Variants in ST7 observed in about 807,000 individuals in gnomAD.
ST7 encodes the protein suppressor of tumorigenicity 7 protein.
In ST7, 28 loss-of-function variants were observed where a neutral mutation model predicts 78.7. That is an observed-to-expected ratio of 0.36 (90% CI 0.26 to 0.49). The LOEUF is 0.49. Ranked by LOEUF, ST7 falls within the 20% of genes least tolerant of loss-of-function variation. The pLI is 0.99. For synonymous variants in ST7, 247 were observed against 249.6 expected, an observed-to-expected ratio of 0.99 and a Z score of 0.10; for missense variants, 418 against 696.0, an observed-to-expected ratio of 0.60 and a Z score of 4.49.
chr7:117,225,290 G>T (rs1324019163), intron 15 of ST7, among the ~76,000 whole-genome samples: 1 of 152,172 alleles, frequency 6.6e-6, no homozygotes, highest in East Asian at 1.9e-4. Context: ...GAATAAAATA[G>T]AAATCTGCCT....
At chr7:117,153,937 A>G (rs1403548026) in intron 9 of ST7, among the ~76,000 whole-genome samples, 1 of 152,208 alleles carries the variant, frequency 6.6e-6, no homozygotes, top group Non-Finnish European at 1.5e-5. Context: ...GGATGGGAAA[A>G]TACTGAAAAG....
chr7:117,124,146 TAG>T (rs1803630350), intron 3 of ST7, among the ~76,000 whole-genome samples: 1 of 152,052 alleles, frequency 6.6e-6, no homozygotes, highest in African/African-American at 2.4e-5. Flanking sequence ...GAAATTTAGG[TAG>T]AGTAAAAAAA....
intron 2 of ST7, among the ~76,000 whole-genome samples, chr7:117,101,254 C>T (rs562479354): frequency 6.2e-4 from 94 of 152,230 alleles, no homozygotes; most frequent in Non-Finnish European, 7.8e-4. Flanking sequence ...ATCTCCATTC[C>T]GAGTTTCAGG....
chr7:117,004,709 A>G (rs754400176), intron 1 of ST7, among the ~76,000 whole-genome samples: 1 of 152,112 alleles, frequency 6.6e-6, no homozygotes, highest in Non-Finnish European at 1.5e-5. Flanking sequence ...ATAAAAATAA[A>G]ATGACTACGA....
rs540247907 is a variant in ST7, at chr7:116,985,574, C to T, written c.151+31883C>T. ...GAACAAATTCAACAAGCAAATTCAA[C>T]GTGCCTCACATGGGGCTACAGAGAT... is the stretch of plus-strand genomic sequence containing the variant. On this transcript the variant is annotated intron_variant, in intron 1 of 15. Coordinates refer to ENST00000323984, the MANE Select transcript of ST7 (RefSeq NM_001369598.1). 1.0e-3 allele frequency among the ~76,000 whole-genome samples: 159 copies of T among 152,258 alleles called. 3 individuals are homozygous for T. The South Asian group carries it at 0.019, about 18-fold the overall frequency.
At chr7:117,033,144 ATTATT>A (rs945364315) in intron 1 of ST7, among the ~76,000 whole-genome samples, 1 of 152,186 alleles carries the variant, frequency 6.6e-6, no homozygotes, top group Non-Finnish European at 1.5e-5. Flanking sequence ...TGATAGGTTA[ATTATT>A]TTTGAAGATT....
At chr7:117,033,489 T>A (rs1796713474) in intron 1 of ST7, among the ~76,000 whole-genome samples, 3 of 151,754 alleles carry the variant, frequency 2.0e-5, no homozygotes, top group Admixed American at 2.0e-4. Context: ...CGTAGTGCAA[T>A]CTTGGCTCAC....
intron 9 of ST7, chr7:117,144,101 A>G (rs1385954271): frequency 2.0e-5 from 3 of 152,196 alleles, no homozygotes; most frequent in Admixed American, 1.3e-4. Context: ...CATTTTTGTG[A>G]AAACTAACTA....
intron 9 of ST7, among the ~76,000 whole-genome samples, chr7:117,140,336 T>TA (rs1297092394): frequency 6.6e-6 from 1 of 152,176 alleles, no homozygotes; most frequent in African/African-American, 2.4e-5. Context: ...CTTTGCTCTT[T>TA]ACCAGCTTCA....
At chr7:117,012,166 A>AT in intron 1 of ST7, among the ~76,000 whole-genome samples, 1 of 152,188 alleles carries the variant, frequency 6.6e-6, no homozygotes, top group Middle Eastern at 3.4e-3. Context: ...TCTCTGTTCA[A>AT]TTTTTTCATA....
At chr7:117,204,832 T>C (rs1019861574) in intron 12 of ST7, among the ~76,000 whole-genome samples, 7 of 152,218 alleles carry the variant, frequency 4.6e-5, no homozygotes, top group African/African-American at 1.7e-4. Flanking sequence ...GTTGTGTCTG[T>C]TTTTGATGCA....
intron 5 of ST7, 100 bp from the exon 6 acceptor site, chr7:117,131,785 G>A (rs1584429760): frequency 9.5e-7 from 1 of 1,057,652 alleles, no homozygotes; most frequent in East Asian, 2.4e-5. Context: ...ATATGTTCTT[G>A]TAATTTAAGC....
At chr7:117,164,595 G>C (rs182021088) in intron 9 of ST7, among the ~76,000 whole-genome samples, 1 of 152,116 alleles carries the variant, frequency 6.6e-6, no homozygotes, top group Non-Finnish European at 1.5e-5. Flanking sequence ...TTTAATTCAA[G>C]AATAACTTTA....
chr7:117,202,380 G>A (rs1446494344), intron 12 of ST7, among the ~76,000 whole-genome samples: 1 of 152,168 alleles, frequency 6.6e-6, no homozygotes, highest in Non-Finnish European at 1.5e-5. Flanking sequence ...AGACCCAGCT[G>A]CCTTCAGGCC....
chr7:117,021,559 C>A (rs779740520), intron 1 of ST7, among the ~76,000 whole-genome samples: 1 of 152,250 alleles, frequency 6.6e-6, no homozygotes, highest in East Asian at 1.9e-4. Context: ...TGATTTCTTA[C>A]GAACTTGTAA....
intron 1 of ST7, among the ~76,000 whole-genome samples, chr7:116,998,532 C>T (rs887171221): frequency 1.3e-5 from 2 of 152,228 alleles, no homozygotes; most frequent in African/African-American, 2.4e-5. Context: ...GCAAGGGCTG[C>T]GAGGGCTGCC....
chr7:117,042,137 A>G (rs1019424947), intron 1 of ST7, among the ~76,000 whole-genome samples: 2 of 152,172 alleles, frequency 1.3e-5, no homozygotes, highest in African/African-American at 4.8e-5. Flanking sequence ...TACAGTCCAC[A>G]CTTTTGTATT....
chr7:117,048,209 G>C (rs975499749), intron 1 of ST7, among the ~76,000 whole-genome samples: 1 of 152,144 alleles, frequency 6.6e-6, no homozygotes, highest in African/African-American at 2.4e-5. Context: ...AGGGGTGGCA[G>C]AGATGGAGGA....
chr7:117,093,000 T>A (rs1427250307), intron 1 of ST7, among the ~76,000 whole-genome samples: 5 of 152,180 alleles, frequency 3.3e-5, no homozygotes, highest in Non-Finnish European at 1.5e-5. Context: ...ATAAACAGGA[T>A]CACAGGTGGT....
Sources: allele counts gnomAD v4.1 joint callset (sites outside exome capture counted in the v4.1 genomes callset), GRCh38; gene constraint gnomAD v4.1.1; transcripts MANE v1.5; gene names NCBI Gene and HGNC (gene_info 2026-07-23, HGNC 2026-07-21).